The following SH3BP4 variants were observed in gnomAD, a reference collection of about 807,000 sequenced individuals.
SH3BP4 encodes SH3 domain-binding protein 4.
SH3BP4 carries 33 observed loss-of-function variants against 65.5 expected under a neutral mutation model. That is an observed-to-expected ratio of 0.50 (90% CI 0.38 to 0.67). The LOEUF is 0.67. Among genes scored for constraint, SH3BP4 ranks in the 30% least tolerant of loss-of-function variants. The pLI is 0.00. For missense variants in SH3BP4, 1,134 were observed against 1,261.4 expected, an observed-to-expected ratio of 0.90 and a Z score of 1.53; for synonymous variants, 552 against 545.5, an observed-to-expected ratio of 1.01 and a Z score of -0.17.
chr2:235,009,478 G>T (rs1431110340), intron 2 of SH3BP4, among the ~76,000 whole-genome samples: 2 of 152,184 alleles, frequency 1.3e-5, no homozygotes, highest in Non-Finnish European at 2.9e-5. Flanking sequence ...AGGTCATTGT[G>T]TCTAAGAGTG....
rs1288968006 is a variant in SH3BP4, at chr2:234,997,560, G to A, written c.-133+2184G>A. ...AAACAGGAGGCCTGCAGCAGAGCACGGCCGATTGCTCCTCCGGGGAGTGTC... is the reference window on the plus strand; with the variant it reads ...AAACAGGAGGCCTGCAGCAGAGCACAGCCGATTGCTCCTCCGGGGAGTGTC... On this transcript the variant is annotated intron_variant, in intron 2 of 5. Transcript: ENST00000392011. The surrounding 1 kb of genome is among the most constrained non-coding windows in gnomAD (Gnocchi z 4.2). Among the ~76,000 whole-genome samples, 3 of 152,200 alleles carry A rather than the reference G, an allele frequency of 2.0e-5. No homozygotes were observed. The highest frequency in any genetic ancestry group is 2.9e-5 in the Non-Finnish European group (2 of 68,042).
At position 235,052,559 on chromosome 2, in the gene SH3BP4, C is replaced by A. The variant is rs1484879691; in HGVS notation, c.2479-3C>A. On this transcript the variant is annotated splice_region_variant and splice_polypyrimidine_tract_variant and intron_variant, in intron 4 of 5. Transcript: ENST00000392011. The surrounding 1 kb of genome is among the most constrained non-coding windows in gnomAD (Gnocchi z 5.0). ...CTCACGCTGTGTGCCTCTTCCTCTG[C>A]AGGCCCTACTGAAGATGGACTGCCA... 1 of 1,544,762 alleles carries A rather than the reference C, an allele frequency of 6.5e-7. No individual in the cohort carries two copies. Among genetic ancestry groups the A allele is most frequent in the East Asian group, 2.5e-5 (1 of 40,754 alleles).
intron 1 of SH3BP4, among the ~76,000 whole-genome samples, chr2:234,986,347 T>G (rs113287681): frequency 0.011 from 1,712 of 152,328 alleles, 35 homozygotes; most frequent in African/African-American, 0.036. Context: ...CCAGATATTT[T>G]CAGCCTCCTA....
At chr2:234,989,557 C>A (rs558926082) in intron 1 of SH3BP4, among the ~76,000 whole-genome samples, 46 of 152,294 alleles carry the variant, frequency 3.0e-4, no homozygotes, top group African/African-American at 1.1e-3. Flanking sequence ...GGGCTTGGCA[C>A]ACTTTTCTCT....
chr2:235,017,867 A>G (rs1284829253), intron 2 of SH3BP4, among the ~76,000 whole-genome samples: 2 of 152,118 alleles, frequency 1.3e-5, no homozygotes, highest in African/African-American at 4.8e-5. Context: ...GTTGATATTC[A>G]ACCAGTTTTT....
At chr2:234,999,017 C>T (rs888072238) in intron 2 of SH3BP4, among the ~76,000 whole-genome samples, 1 of 152,210 alleles carries the variant, frequency 6.6e-6, no homozygotes, top group Non-Finnish European at 1.5e-5. Context: ...AAGCTGTGCT[C>T]AGCGTCTCTC....
intron 2 of SH3BP4, among the ~76,000 whole-genome samples, chr2:235,003,960 A>T (rs1289823206): frequency 2.0e-5 from 3 of 152,114 alleles, no homozygotes; most frequent in Non-Finnish European, 4.4e-5. Context: ...TGTGGGGTAC[A>T]TTGCTCCAGT....
intron 4 of SH3BP4, among the ~76,000 whole-genome samples, chr2:235,051,545 C>T (rs1232849543): frequency 6.6e-6 from 1 of 152,152 alleles, no homozygotes; most frequent in Non-Finnish European, 1.5e-5. Flanking sequence ...TAATCCCTGT[C>T]CTAAAGACAC....
intron 2 of SH3BP4, among the ~76,000 whole-genome samples, chr2:235,020,786 G>T (rs1694826478): frequency 6.6e-6 from 1 of 152,078 alleles, no homozygotes; most frequent in African/African-American, 2.4e-5. Context: ...ATCTCATTGT[G>T]TTTTCATTGT....
At chr2:235,038,305 A>ATAT (rs1553567354) in intron 3 of SH3BP4, among the ~76,000 whole-genome samples, 1 of 15,550 alleles carries the variant, frequency 6.4e-5, no homozygotes, top group African/African-American at 3.7e-4. Flanking sequence ...TATATTATAT[A>ATAT]TATATATTAT....
intron 2 of SH3BP4, among the ~76,000 whole-genome samples, chr2:234,999,775 C>T (rs1284644052): frequency 6.6e-6 from 1 of 152,200 alleles, no homozygotes; most frequent in Non-Finnish European, 1.5e-5. Flanking sequence ...AAAGAGAGCA[C>T]AGTGAATCTT....
chr2:234,978,433 T>C lies in SH3BP4; in HGVS notation c.-206-16870T>C, dbSNP rs1203778756. Among the ~76,000 whole-genome samples, 1 of 152,166 alleles carries C rather than the reference T, an allele frequency of 6.6e-6. No homozygotes were observed. The highest frequency in any genetic ancestry group is 1.5e-5 in the Non-Finnish European group (1 of 68,032). ...CTGCAGTCACTGCGGGACCAGGTAC[T>C]CTTTTCCTGCGCCCCACACTGCCCC... is the stretch of plus-strand genomic sequence containing the variant. On this transcript the variant is annotated intron_variant, in intron 1 of 5. Transcript: ENST00000392011. The surrounding 1 kb of genome is among the most constrained non-coding windows in gnomAD (Gnocchi z 4.1).
At chr2:234,995,007 T>C (rs1341651333) in intron 1 of SH3BP4, 8 of 152,318 alleles carry the variant, frequency 5.3e-5, no homozygotes, top group Non-Finnish European at 7.3e-5. Flanking sequence ...GGCCTGGTCA[T>C]TGGGTGCAGG....
chr2:235,007,939 G>A (rs1272641494), intron 2 of SH3BP4, among the ~76,000 whole-genome samples: 2 of 152,208 alleles, frequency 1.3e-5, no homozygotes, highest in Non-Finnish European at 2.9e-5. Flanking sequence ...AGGGCAGTCA[G>A]GGGAGGAGAC....
rs1695129614 is a variant in SH3BP4, at chr2:235,030,023, T to C, written c.-132-4848T>C. 6.6e-6 allele frequency among the ~76,000 whole-genome samples: 1 copy of C among 152,164 alleles called. No individual in the cohort carries two copies. The highest frequency in any genetic ancestry group is 2.4e-5 in the African/African-American group (1 of 41,432). ...TCCAGCGAATGTGGCCAGTGATTGA[T>C]TGAAGGGTTGAGATCGGCAATATGT... On this transcript the variant is annotated intron_variant, in intron 2 of 5. Transcript: ENST00000392011. The surrounding 1 kb of genome is among the most constrained non-coding windows in gnomAD (Gnocchi z 4.1).
In SH3BP4 at chr2:235,052,558, G is replaced by A. The variant is rs746345274; in HGVS notation, c.2479-4G>A. 23 of 1,542,804 alleles carry A rather than the reference G, an allele frequency of 1.5e-5. No individual in the cohort carries two copies. Among genetic ancestry groups the A allele is most frequent in the Admixed American group, 2.0e-5 (1 of 50,666 alleles). On this transcript the variant is annotated splice_region_variant and splice_polypyrimidine_tract_variant and intron_variant, in intron 4 of 5. Coordinates refer to ENST00000392011, the MANE Select transcript of SH3BP4 (RefSeq NM_014521.3). The surrounding 1 kb of genome is among the most constrained non-coding windows in gnomAD (Gnocchi z 5.0). The stretch of plus-strand genomic sequence containing the variant: ...TCTCACGCTGTGTGCCTCTTCCTCT[G>A]CAGGCCCTACTGAAGATGGACTGCC...
chr2:234,960,955 A>G (rs111890422), intron 1 of SH3BP4, among the ~76,000 whole-genome samples: 148 of 152,342 alleles, frequency 9.7e-4, no homozygotes, highest in African/African-American at 3.3e-3. Context: ...ACAGACTGCA[A>G]TATGAGAAGT....
chr2:234,955,046 C>G (rs1306732268), intron 1 of SH3BP4, among the ~76,000 whole-genome samples: 1 of 152,152 alleles, frequency 6.6e-6, no homozygotes, highest in East Asian at 1.9e-4. Context: ...AATTGCACAC[C>G]TAAATTGGGC....
chr2:235,032,594 G>A (rs976655603), intron 2 of SH3BP4, among the ~76,000 whole-genome samples: 7 of 152,100 alleles, frequency 4.6e-5, no homozygotes, highest in African/African-American at 1.2e-4. Context: ...CGGGGCTGCC[G>A]GGCTGCCTGG....
Sources: gnomAD v4.1 joint callset for allele counts (sites outside exome capture counted in the v4.1 genomes callset) on GRCh38, gnomAD v4.1.1 for gene constraint, Gnocchi (gnomAD v3.1) non-coding constraint, MANE v1.5 for transcripts, NCBI Gene and HGNC (gene_info 2026-07-23, HGNC 2026-07-21) for gene names.